PFAS: variants seen among roughly 807,000 people sequenced by gnomAD.
The protein encoded by PFAS is phosphoribosylformylglycinamidine synthase.
In PFAS, 97 loss-of-function variants were observed where a neutral mutation model predicts 140.6. The observed-to-expected ratio is 0.69, with a 90% confidence interval of 0.59 to 0.82. The LOEUF (loss-of-function observed/expected upper bound fraction) is 0.82. Among genes scored for constraint, PFAS ranks in the 40% least tolerant of loss-of-function variants. The probability of loss-of-function intolerance (pLI) is 0.00; values close to 1 mark genes in which losing one functional copy is unlikely to be tolerated. For missense variants in PFAS, 1,656 were observed against 1,780.2 expected (o/e 0.93, Z 1.26); for synonymous variants, 679 against 718.8 (o/e 0.94, Z 0.88).
chr17:8,255,690 T>C lies in PFAS; in HGVS notation c.573T>C (p.Leu191=). 6.3e-7 allele frequency: 1 copy of C among 1,583,862 alleles called. No individual in the cohort carries two copies. Among genetic ancestry groups the C allele is most frequent in the Non-Finnish European group, 8.6e-7 (1 of 1,166,620 alleles). The part of the protein sequence containing the change: ...RLALEKANQE[L]GLALDSWDLD... ...CGCTGGAGAAGGCCAACCAGGAGCT[T>C]GGTGAGTAGCTGGGGAGGGAGATGT... Residue 191 remains leucine, a splice_region_variant and synonymous_variant, in exon 5 of 28, where the codon CTT becomes CTC. Transcript: ENST00000314666.
chr17:8,263,698 C>T (rs990482600), intron 14 of PFAS, 62 bp downstream of exon 14: 13 of 1,604,046 alleles, frequency 8.1e-6, no homozygotes, highest in East Asian at 2.2e-5. Context: ...CCCGCTTCCA[C>T]CCATCTCTCT....
intron 20 of PFAS, 72 bp downstream of exon 20, chr17:8,265,711 T>C (rs1989786001): frequency 6.9e-7 from 1 of 1,448,084 alleles, no homozygotes. Context: ...TTGTGAGTGC[T>C]GGGCCCCCAT....
In PFAS at chr17:8,256,284, G is replaced by A. The variant is rs1441149289; in HGVS notation, c.698G>A (p.Trp233Ter). Residue 233 changes from tryptophan to a stop codon, truncating the protein, a stop_gained, in exon 7 of 28, where the codon TGG becomes TAG. Transcript: ENST00000314666. LOFTEE classifies it high-confidence loss of function. ...CCCTGCAGCGAGCACAGCCGACACT[G>A]GTTCTTCAAGGGCCAGCTCCACGTG... ...AQSNSEHSRH[W>*]FFKGQLHVDG... 6.2e-7 allele frequency: 1 copy of A among 1,613,928 alleles called. No individual in the cohort carries two copies. The highest frequency in any genetic ancestry group is 1.7e-5 in the Admixed American group (1 of 59,986).
chr17:8,267,754 C>G lies in PFAS; in HGVS notation c.3382+89C>G, dbSNP rs1989877929. On this transcript the variant is annotated intron_variant, in intron 26 of 27. Coordinates refer to ENST00000314666, the MANE Select transcript of PFAS (RefSeq NM_012393.3). The surrounding 1 kb of genome is among the most constrained non-coding windows in gnomAD (Gnocchi z 4.9). ...ATCTTCCTGGGCTGGGGATTGGCCT[C>G]TCACTCCACCGAGCTACGAGAGAGT... The G allele has an allele frequency of 5.8e-6, 4 of 694,944 alleles. No homozygotes were observed. Among genetic ancestry groups the G allele is most frequent in the East Asian group, 5.3e-5 (2 of 37,754 alleles). 43.0% of individuals were successfully genotyped at this position (694,944 alleles called of 1,614,324 possible). A position where few individuals can be genotyped will look rare whatever the true frequency, so the allele number is the denominator to read the frequency against.
Position 8,262,468 on chromosome 17 carries a change from T to C in PFAS, c.1337-452T>C, listed in dbSNP as rs186996608. On this transcript the variant is annotated intron_variant, in intron 11 of 27. Coordinates refer to ENST00000314666, the MANE Select transcript of PFAS (RefSeq NM_012393.3). ...GCCAAATCGTCCTCCGTAGTTGATA[T>C]CAGTTTACTCTCCTATCAACCCAGT... 21 of 162,142 alleles carry C rather than the reference T, an allele frequency of 1.3e-4. No homozygotes were observed. In the East Asian group the frequency reaches 3.3e-3, roughly 26 times the overall value. 10.0% of individuals were successfully genotyped at this position (162,142 alleles called of 1,614,324 possible).
At chr17:8,263,739 T>TG (rs1989689960) in intron 14 of PFAS, 36 bp from the exon 15 acceptor site, 1 of 1,609,724 alleles carries the variant, frequency 6.2e-7, no homozygotes, top group African/African-American at 1.3e-5. Flanking sequence ...GAGTGCCCAC[T>TG]GGCCCTTCTC....
intron 1 of PFAS, among the ~76,000 whole-genome samples, chr17:8,252,514 C>T (rs1204509937): frequency 6.7e-6 from 1 of 150,024 alleles, no homozygotes; most frequent in African/African-American, 2.5e-5. Context: ...AGTGATTCTC[C>T]TGCCTCAGCC....
intron 9 of PFAS, among the ~76,000 whole-genome samples, chr17:8,257,522 C>T (rs965555650): frequency 3.3e-5 from 5 of 151,802 alleles, no homozygotes; most frequent in Admixed American, 3.3e-4. Flanking sequence ...CGCCACTGCA[C>T]GCTAGCCTGG....
chr17:8,248,028 A>G, upstream of PFAS: 1 of 1,413,432 alleles, frequency 7.1e-7, no homozygotes, highest in Non-Finnish European at 9.5e-7. Flanking sequence ...GGGCCCGGCC[A>G]GCCGCCATGA....
chr17:8,247,896 C>T, upstream of PFAS: 1 of 1,163,486 alleles, frequency 8.6e-7, no homozygotes, highest in South Asian at 1.3e-5. Context: ...ACCCATGGGC[C>T]GGACGCGGCC....
chr17:8,266,089 TG>T lies in PFAS; in HGVS notation c.2701+76del. ...CAGCAGGCGTTCACCATCTGAGCAGTGGGGCAAAAGGGACTCCAATGGACGA... is the reference window on the plus strand; with the variant it reads ...CAGCAGGCGTTCACCATCTGAGCAGTGGGCAAAAGGGACTCCAATGGACGA... On this transcript the variant is annotated intron_variant, in intron 21 of 27. Coordinates refer to ENST00000314666, the MANE Select transcript of PFAS (RefSeq NM_012393.3). This position sits in a 1 kb window ranked among gnomAD's most constrained non-coding sequence, Gnocchi z 5.0. 3.9e-6 allele frequency: 6 copies of T among 1,535,876 alleles called. No individual in the cohort carries two copies. Among genetic ancestry groups the T allele is most frequent in the Non-Finnish European group, 5.3e-6 (6 of 1,129,298 alleles).
At chr17:8,253,027 C>G (rs901090619) in intron 1 of PFAS, among the ~76,000 whole-genome samples, 1 of 152,144 alleles carries the variant, frequency 6.6e-6, no homozygotes, top group Admixed American at 6.5e-5. Context: ...GGCCCCACCT[C>G]CAAATACCAT....
rs778672486 is a variant in PFAS at position 8,255,053 on chromosome 17, C to T, written c.305C>T (p.Thr102Ile). 1.1e-5 allele frequency: 18 copies of T among 1,614,012 alleles called. No individual in the cohort carries two copies. Among genetic ancestry groups the T allele is most frequent in the Non-Finnish European group, 1.2e-5 (14 of 1,179,956 alleles). The change falls in exon 4 of 28, where the codon ACC becomes ATC. Residue 102 changes from threonine (T) to isoleucine (I), a missense_variant. Coordinates refer to ENST00000314666, the MANE Select transcript of PFAS (RefSeq NM_012393.3). ...CTGAACTTCTCCACCCCAACATCCA[C>T]CAACATCGTGTCAGTGTGCCGCGCC... Reference protein sequence around the residue: ...PRLNFSTPTSTNIVSVCRATG... With the variant: ...PRLNFSTPTSINIVSVCRATG...
At chr17:8,256,765 C>T (rs1345260495) in intron 8 of PFAS, 70 bp from the exon 9 acceptor site, 5 of 1,553,600 alleles carry the variant, frequency 3.2e-6, no homozygotes, top group Admixed American at 4.0e-5. Flanking sequence ...TCCTTATTTT[C>T]AGTGGGGGTG....
In PFAS at chr17:8,268,800, T is replaced by C. The variant is rs771284576; in HGVS notation, c.3650T>C (p.Leu1217Pro). ...ASVRVGPGPALMLRGMEGAVL... is the reference protein window; with the variant it reads ...ASVRVGPGPAPMLRGMEGAVL... ...GTGCGTGTGGGGCCTGGGCCAGCCC[T>C]GATGCTGCGAGGGATGGAGGGCGCC... The change falls in exon 27 of 28, where the codon CTG (leucine) becomes CCG (proline). Residue 1217 changes from leucine to proline, a missense_variant. Leu to Pro is a moderately conservative substitution (Grantham distance 98). Coordinates refer to ENST00000314666, the MANE Select transcript of PFAS (RefSeq NM_012393.3). 1.6e-5 allele frequency: 25 copies of C among 1,608,332 alleles called. No individual in the cohort carries two copies. The East Asian group carries it at 5.6e-4, about 36-fold the overall frequency.
In PFAS at chr17:8,256,531, C is replaced by G; in HGVS notation, c.829C>G (p.Gln277Glu). The G allele has an allele frequency of 6.2e-7, 1 of 1,614,134 alleles. No individual in the cohort carries two copies. Among genetic ancestry groups the G allele is most frequent in the South Asian group, 1.1e-5 (1 of 91,086 alleles). The change falls in exon 8 of 28, where the codon CAG (glutamine) becomes GAG (glutamate). Residue 277 changes from glutamine (Q) to glutamate (E), a missense_variant. Gln to Glu is a conservative substitution (Grantham distance 29). Transcript: ENST00000314666. ...TGACGGGTATGTCCACAGTGCAATC[C>G]AGGGAAAGGAAGTCCGATTCCTACG... The part of the protein sequence containing the change: ...LKFCDNSSAI[Q>E]GKEVRFLRPE...
intron 13 of PFAS, 108 bp from the exon 14 acceptor site, chr17:8,263,467 G>A (rs1385753020): frequency 9.1e-7 from 1 of 1,097,742 alleles, no homozygotes; most frequent in Non-Finnish European, 1.4e-6. Context: ...TGCGGCAGCA[G>A]TTGACACAGG....
intron 11 of PFAS, among the ~76,000 whole-genome samples, chr17:8,259,077 T>G (rs1035890118): frequency 7.2e-6 from 1 of 139,584 alleles, no homozygotes; most frequent in Non-Finnish European, 1.5e-5. Flanking sequence ...AGCTGGGAGG[T>G]GGAGGTTGCA....
At position 8,264,601 on chromosome 17, in the gene PFAS, G is replaced by C; in HGVS notation, c.2049G>C (p.Lys683Asn). Residue 683 changes from lysine to asparagine, a missense_variant and splice_region_variant, in exon 17 of 28, where the codon AAG becomes AAC. By Grantham distance (94) the Lys-to-Asn change is moderately conservative (BLOSUM62 0). Around this residue, in one of 2 missense-constraint regions of PFAS, gnomAD observed 883 missense variants for 1,023.0 expected, o/e 0.86. Coordinates refer to ENST00000314666, the MANE Select transcript of PFAS (RefSeq NM_012393.3). ...CCAGCAAGCGCTACCTCACCAATAAGGTCCTCCCTGCACCCTTCCTCTGCC... is the reference window on the plus strand; with the variant it reads ...CCAGCAAGCGCTACCTCACCAATAACGTCCTCCCTGCACCCTTCCTCTGCC... The part of the protein sequence containing the change: ...AVASKRYLTN[K>N]VDRSVGGLVA... The C allele has an allele frequency of 6.2e-7, 1 of 1,610,824 alleles. No individual in the cohort carries two copies. The highest frequency in any genetic ancestry group is 8.5e-7 in the Non-Finnish European group (1 of 1,178,790).
Sources: gnomAD v4.1 joint callset for allele counts (sites outside exome capture counted in the v4.1 genomes callset) on GRCh38, gnomAD v4.1.1 for gene constraint, gnomAD v4.1.1 regional missense constraint, Gnocchi (gnomAD v3.1) non-coding constraint, MANE v1.5 for transcripts, NCBI Gene and HGNC (gene_info 2026-07-23, HGNC 2026-07-21) for gene names.